Variants in ARHGAP4 observed in about 807,000 individuals in gnomAD.
ARHGAP4 encodes the protein Rho GTPase activating protein 4.
A neutral mutation model predicts 67.6 loss-of-function variants in ARHGAP4; 25 were observed. That is an observed-to-expected ratio of 0.37 (90% CI 0.27 to 0.52). The LOEUF is 0.52. ARHGAP4 is among the 20% of genes least tolerant of loss of function. ARHGAP4 has a pLI of 0.92. For missense variants in ARHGAP4, 804 were observed against 854.6 expected (o/e 0.94, Z 0.74); for synonymous variants, 448 against 373.7 (o/e 1.20, Z -2.29).
At position 153,919,170 on chromosome X, in the gene ARHGAP4, G is replaced by C. The variant is rs782391069; in HGVS notation, c.795C>G (p.Val265=). The C allele has an allele frequency of 8.3e-6, 10 of 1,210,930 alleles. No homozygotes were observed. In the African/African-American group the frequency reaches 1.7e-4, roughly 21 times the overall value. ...AAVSNYYLHD[V]LDLMDCCDTG... The stretch of plus-strand genomic sequence containing the variant: ...AAGGACTCACGTCCATGAGGTCCAA[G>C]ACGTCATGCAGGTAGTAGTTACTGA... Residue 265 remains valine (V), a synonymous_variant, in exon 6 of 22, where the codon GTC becomes GTG. Coordinates refer to ENST00000350060, the MANE Select transcript of ARHGAP4 (RefSeq NM_001666.5).
chrX:153,919,753 G>T, intron 5 of ARHGAP4: 1 of 1,020,515 alleles, frequency 9.8e-7, no homozygotes, highest in Non-Finnish European at 1.3e-6. Context: ...AGAACCTGCT[G>T]GCACCTGGGT....
chrX:153,908,685 G>T (rs942558686), intron 21 of ARHGAP4, among the ~76,000 whole-genome samples: 8 of 97,937 alleles, frequency 8.2e-5, no homozygotes, highest in African/African-American at 3.0e-4. Context: ...CCATGGCACC[G>T]CCTGTTACCT....
intron 1 of ARHGAP4, chrX:153,922,301 C>T: frequency 1.3e-6 from 1 of 762,503 alleles, no homozygotes; most frequent in East Asian, 1.5e-4. Flanking sequence ...AGCGATCTCG[C>T]AGTCTCAGTG....
Position 153,910,390 on chromosome X carries a change from C to T in ARHGAP4, c.1937G>A (p.Ser646Asn), listed in dbSNP as rs2065009735. 10 of 1,197,114 alleles carry T rather than the reference C, an allele frequency of 8.4e-6. No homozygotes were observed. Among genetic ancestry groups the T allele is most frequent in the Non-Finnish European group, 1.1e-5 (10 of 886,630 alleles). ...FTFLNHLAQY[S>N]DENMMDPYNL... ...GTAGGGGTCCATCATGTTCTCATCGCTGTACTGGGCCAGGCTGGGGGGACA... is the reference window on the plus strand; with the variant it reads ...GTAGGGGTCCATCATGTTCTCATCGTTGTACTGGGCCAGGCTGGGGGGACA... Residue 646 changes from serine to asparagine, a missense_variant, in exon 17 of 22, where the codon AGC becomes AAC. Physicochemically the swap from Ser to Asn is conservative, Grantham distance 46. This residue lies in a region of ARHGAP4 where 400 missense variants were observed against 348.7 expected (regional missense o/e 1.15). Transcript: ENST00000350060.
Position 153,921,663 on chromosome X carries a change from C to T in ARHGAP4, c.214G>A (p.Glu72Lys). The change falls in exon 2 of 22, where the codon GAG (glutamate) becomes AAG (lysine). Residue 72 changes from glutamate (E) to lysine (K), a missense_variant. Coordinates refer to ENST00000350060, the MANE Select transcript of ARHGAP4 (RefSeq NM_001666.5). Reference protein sequence around the residue: ...EYSRGLEKLAERFSSRGGRLG... With the variant: ...EYSRGLEKLAKRFSSRGGRLG... ...CGGCCTCCACGGCTGGAGAAGCGCT[C>T]GGCCAGCTTTTCCAGGCCCCGGGAG... The T allele has an allele frequency of 8.3e-7, 1 of 1,209,382 alleles. No homozygotes were observed. Among genetic ancestry groups the T allele is most frequent in the Non-Finnish European group, 1.1e-6 (1 of 894,682 alleles).
chrX:153,914,055 C>T (rs1379451294), intron 7 of ARHGAP4, 176 bp from the exon 8 acceptor site: 2 of 448,884 alleles, frequency 4.5e-6, no homozygotes, highest in Admixed American at 3.8e-5. Flanking sequence ...CAAACCAAGA[C>T]TTGTCCACAG....
At position 153,919,334 on chromosome X, in the gene ARHGAP4, A is replaced by T. The variant is rs1438328713; in HGVS notation, c.682-51T>A. 6 of 1,208,577 alleles carry T rather than the reference A, an allele frequency of 5.0e-6. No individual in the cohort carries two copies. The Admixed American group carries it at 1.1e-4, about 22-fold the overall frequency. ...AGGGTCACGCACGTGGCCAGCCCCT[A>T]TCTCTAGCCTTTCATGTAATGCCCA... is the stretch of plus-strand genomic sequence containing the variant. On this transcript the variant is annotated intron_variant, in intron 5 of 21. Coordinates refer to ENST00000350060, the MANE Select transcript of ARHGAP4 (RefSeq NM_001666.5).
chrX:153,912,735 T>G lies in ARHGAP4; in HGVS notation c.1507A>C (p.Arg503=), dbSNP rs1168418326. 2 of 1,211,560 alleles carry G rather than the reference T, an allele frequency of 1.7e-6. No homozygotes were observed. Among genetic ancestry groups the G allele is most frequent in the East Asian group, 5.9e-5 (2 of 33,854 alleles). ...TTCTCCATGTCTCCCCCAAAGAGTCTCTGGTTATACTGGGAGCTGGGGCGG... is the reference window on the plus strand; with the variant it reads ...TTCTCCATGTCTCCCCCAAAGAGTCGCTGGTTATACTGGGAGCTGGGGCGG... The part of the protein sequence containing the change: ...QPRPSSQYNQ[R]LFGGDMEKFI... Residue 503 remains arginine, a synonymous_variant, in exon 12 of 22, where the codon AGA becomes CGA. Transcript: ENST00000350060.
In ARHGAP4 at chrX:153,918,819, G is replaced by C; in HGVS notation, c.1032+13C>G. Reference sequence around the variant, plus strand: ...GCCAGAGAATGCCAAGCCCAGCAGGGGGTGACCCTCACCTCATCCCCATCA... The same window carrying C: ...GCCAGAGAATGCCAAGCCCAGCAGGCGGTGACCCTCACCTCATCCCCATCA... On this transcript the variant is annotated intron_variant, in intron 7 of 21. Transcript: ENST00000350060. The C allele has an allele frequency of 8.3e-7, 1 of 1,207,978 alleles. No individual in the cohort carries two copies. The highest frequency in any genetic ancestry group is 1.7e-5 in the African/African-American group (1 of 57,886).
intron 7 of ARHGAP4, among the ~76,000 whole-genome samples, chrX:153,915,918 A>C (rs1424494537): frequency 8.9e-6 from 1 of 112,326 alleles, no homozygotes; most frequent in Admixed American, 9.4e-5. Context: ...GGACTCAGGG[A>C]CACTGGTCCC....
intron 7 of ARHGAP4, among the ~76,000 whole-genome samples, chrX:153,918,523 C>T (rs905567810): frequency 1.8e-5 from 2 of 112,947 alleles, no homozygotes; most frequent in Non-Finnish European, 3.7e-5. Flanking sequence ...AGCCCCATTC[C>T]ATCTTACTGC....
At chrX:153,917,410 CA>C (rs1349310591) in intron 7 of ARHGAP4, among the ~76,000 whole-genome samples, 3 of 107,966 alleles carry the variant, frequency 2.8e-5, no homozygotes, top group African/African-American at 1.0e-4. Flanking sequence ...AACTCCATCT[CA>C]AAAAAAATAA....
In ARHGAP4 at chrX:153,910,097, G is replaced by C; in HGVS notation, c.2157-12C>G. 8 of 1,210,619 alleles carry C rather than the reference G, an allele frequency of 6.6e-6. No homozygotes were observed. Among genetic ancestry groups the C allele is most frequent in the Non-Finnish European group, 8.9e-6 (8 of 895,091 alleles). On this transcript the variant is annotated splice_polypyrimidine_tract_variant and intron_variant, in intron 17 of 21. Transcript: ENST00000350060. ...CCAGCTGGGCGTCCCTGAGGTTCAG[G>C]GCAGAGCGAGGCAGATGAGGGGGGC... is the stretch of plus-strand genomic sequence containing the variant.
rs782598053 is a variant in ARHGAP4, at chrX:153,916,820, G to A, written c.1032+2012C>T. On this transcript the variant is annotated intron_variant, in intron 7 of 21. Transcript: ENST00000350060. The stretch of plus-strand genomic sequence containing the variant: ...AGGCCGGGCATGGTGGCTCACGCCT[G>A]TAATCCCAGCACTTTGGGAGGCTGA... Among the ~76,000 whole-genome samples the A allele has an allele frequency of 1.2e-4, 14 of 113,277 alleles. No homozygotes were observed. The East Asian group carries it at 3.0e-3, about 24-fold the overall frequency.
chrX:153,914,967 A>G (rs1246438676), intron 7 of ARHGAP4, among the ~76,000 whole-genome samples: 2 of 112,503 alleles, frequency 1.8e-5, no homozygotes, highest in Non-Finnish European at 3.8e-5. Context: ...GTGAGGATTC[A>G]GCTGTGGCTA....
intron 13 of ARHGAP4, 65 bp from the exon 14 acceptor site, chrX:153,911,064 C>T: frequency 8.6e-7 from 1 of 1,164,344 alleles, no homozygotes; most frequent in Non-Finnish European, 1.1e-6. Context: ...GATGGCCTCC[C>T]ATGCCAGGTG....
Position 153,919,798 on chromosome X carries a change from T to A in ARHGAP4, c.682-515A>T, listed in dbSNP as rs56069539. 2,244 of 842,090 alleles carry A rather than the reference T, an allele frequency of 2.7e-3. 28 individuals carry two copies. In the African/African-American group the frequency reaches 0.038, roughly 14 times the overall value. 69.4% of individuals were successfully genotyped at this position (842,090 alleles called of 1,213,427 possible). On this transcript the variant is annotated intron_variant, in intron 5 of 21. Coordinates refer to ENST00000350060, the MANE Select transcript of ARHGAP4 (RefSeq NM_001666.5). ...GGCACTCTATTTTTTTTTTATTTTT[T>A]TTTTTTGAGACAGAGTCTCGCTCTG... is the stretch of plus-strand genomic sequence containing the variant.
At chrX:153,911,805 G>C (rs963047955) in intron 12 of ARHGAP4, among the ~76,000 whole-genome samples, 1 of 110,790 alleles carries the variant, frequency 9.0e-6, no homozygotes, top group Admixed American at 9.6e-5. Flanking sequence ...GGGAGGCTGA[G>C]GCATGAGAAT....
intron 7 of ARHGAP4, 195 bp from the exon 8 acceptor site, chrX:153,914,074 G>A: frequency 2.3e-6 from 1 of 435,801 alleles, no homozygotes; most frequent in Non-Finnish European, 4.0e-6. Context: ...AGAGGTTCGT[G>A]GCGGCACCAC....
Sources: allele counts gnomAD v4.1 joint callset (sites outside exome capture counted in the v4.1 genomes callset), GRCh38; gene constraint gnomAD v4.1.1; regional missense constraint gnomAD v4.1.1; transcripts MANE v1.5; gene names NCBI Gene and HGNC (gene_info 2026-07-23, HGNC 2026-07-21).